KCND3: variants seen among roughly 807,000 people sequenced by gnomAD.
The protein encoded by KCND3 is A-type voltage-gated potassium channel KCND3.
KCND3 carries 9 observed loss-of-function variants against 51.1 expected under a neutral mutation model. The observed-to-expected ratio is 0.18, with a 90% CI of 0.11 to 0.31. The LOEUF (loss-of-function observed/expected upper bound fraction) is 0.31, where lower values mean the gene tolerates loss of function less well. Ranked by LOEUF, KCND3 falls within the 10% of genes least tolerant of loss-of-function variation. The pLI, the probability that KCND3 is intolerant of heterozygous loss-of-function variation, is 1.00. For synonymous variants in KCND3, 349 were observed against 368.0 expected, an observed-to-expected ratio of 0.95 and a Z score of 0.59; for missense variants, 526 against 903.8, an observed-to-expected ratio of 0.58 and a Z score of 5.36.
At chr1:111,943,224 G>A (rs1672612841) in intron 2 of KCND3, among the ~76,000 whole-genome samples, 1 of 152,164 alleles carries the variant, frequency 6.6e-6, no homozygotes, top group African/African-American at 2.4e-5. Context: ...TGCAGCCAGA[G>A]GACCCTGGCT....
chr1:111,902,582 C>T (rs1289825008), intron 2 of KCND3, among the ~76,000 whole-genome samples: 1 of 152,114 alleles, frequency 6.6e-6, no homozygotes, highest in Non-Finnish European at 1.5e-5. Flanking sequence ...TCTCATGTGC[C>T]CACTGCTCGT....
intron 2 of KCND3, among the ~76,000 whole-genome samples, chr1:111,804,135 C>T (rs1411473463): frequency 2.6e-5 from 4 of 152,338 alleles, no homozygotes; most frequent in South Asian, 2.1e-4. Flanking sequence ...ACTCCTTTTC[C>T]GTCCCCCAAC....
intron 2 of KCND3, among the ~76,000 whole-genome samples, chr1:111,841,436 C>CG (rs5777085): frequency 0.33 from 50,731 of 151,970 alleles, 8,676 homozygotes; most frequent in East Asian, 0.52. Flanking sequence ...TATCAGAAAA[C>CG]GAATTGTTCC....
At chr1:111,812,609 T>C (rs1235167553) in intron 2 of KCND3, among the ~76,000 whole-genome samples, 1 of 152,192 alleles carries the variant, frequency 6.6e-6, no homozygotes, top group Non-Finnish European at 1.5e-5. Flanking sequence ...GAGGGCCCAA[T>C]GTAGTAGGTT....
intron 2 of KCND3, among the ~76,000 whole-genome samples, chr1:111,922,396 C>T (rs181194253): frequency 1.1e-3 from 173 of 152,342 alleles, no homozygotes; most frequent in Admixed American, 2.0e-3. Context: ...GTGCTAAGAG[C>T]ACTGTGGAAG....
chr1:111,847,197 C>G (rs1427190011), intron 2 of KCND3, among the ~76,000 whole-genome samples: 1 of 152,214 alleles, frequency 6.6e-6, no homozygotes, highest in South Asian at 2.1e-4. Flanking sequence ...GAAGGAGGGG[C>G]AGCAGGGCCA....
chr1:111,899,263 C>T (rs1318435168), intron 2 of KCND3, among the ~76,000 whole-genome samples: 1 of 152,224 alleles, frequency 6.6e-6, no homozygotes, highest in Non-Finnish European at 1.5e-5. Flanking sequence ...CCCCCAGGGG[C>T]TTCTCATGAG....
chr1:111,977,440 TA>T (rs1160185472), intron 2 of KCND3, among the ~76,000 whole-genome samples: 2 of 152,192 alleles, frequency 1.3e-5, no homozygotes, highest in East Asian at 3.9e-4. Context: ...TTGGAAGAAG[TA>T]AAAATCAATT....
intron 2 of KCND3, among the ~76,000 whole-genome samples, chr1:111,844,240 C>T (rs1667453433): frequency 6.6e-6 from 1 of 152,222 alleles, no homozygotes; most frequent in South Asian, 2.1e-4. Flanking sequence ...TCAAGTTCAT[C>T]ATGTCCCTGC....
In KCND3 at chr1:111,985,226, C is replaced by T. The variant is rs185567608; in HGVS notation, c.-72-2428G>A. Among the ~76,000 whole-genome samples the T allele has an allele frequency of 2.2e-4, 33 of 152,306 alleles. No homozygotes were observed. In the East Asian group the frequency reaches 5.6e-3, roughly 26 times the overall value. On this transcript the variant is annotated intron_variant, in intron 1 of 7. Transcript: ENST00000302127. The stretch of plus-strand genomic sequence containing the variant: ...CTGAGGGCTGATGGTGTGCCAGGCA[C>T]AGTACCACACACTTACATGGAGCGT...
chr1:111,964,852 C>A (rs77200687), intron 2 of KCND3, among the ~76,000 whole-genome samples: 5,767 of 152,162 alleles, frequency 0.038, 333 homozygotes, highest in African/African-American at 0.13. Flanking sequence ...CCCCATTTCC[C>A]GATGTGTGCA....
intron 2 of KCND3, among the ~76,000 whole-genome samples, chr1:111,818,472 G>A (rs895489764): frequency 3.3e-5 from 5 of 152,212 alleles, no homozygotes; most frequent in African/African-American, 7.2e-5. Flanking sequence ...ACAACCTCAC[G>A]TTGTGCCAGC....
At chr1:111,888,473 G>A (rs1470398843) in intron 2 of KCND3, among the ~76,000 whole-genome samples, 1 of 152,124 alleles carries the variant, frequency 6.6e-6, no homozygotes, top group Non-Finnish European at 1.5e-5. Flanking sequence ...ATCACCTGAG[G>A]TCAGGCGTTC....
chr1:111,844,287 G>C (rs1042409556), intron 2 of KCND3, among the ~76,000 whole-genome samples: 1 of 152,176 alleles, frequency 6.6e-6, no homozygotes, highest in Non-Finnish European at 1.5e-5. Flanking sequence ...TTTCCAGGAG[G>C]TGGGGAGGCC....
At chr1:111,843,167 T>C (rs1040318951) in intron 2 of KCND3, among the ~76,000 whole-genome samples, 8 of 151,602 alleles carry the variant, frequency 5.3e-5, no homozygotes, top group Non-Finnish European at 1.0e-4. Flanking sequence ...TTCTGTGGAG[T>C]GGATGAGAGA....
chr1:111,899,855 T>A (rs1670298599), intron 2 of KCND3, among the ~76,000 whole-genome samples: 1 of 152,068 alleles, frequency 6.6e-6, no homozygotes, highest in Non-Finnish European at 1.5e-5. Flanking sequence ...AGGAGTGTGA[T>A]ACTCACAAGC....
At chr1:111,844,595 C>T (rs983409015) in intron 2 of KCND3, among the ~76,000 whole-genome samples, 2 of 152,202 alleles carry the variant, frequency 1.3e-5, no homozygotes, top group African/African-American at 4.8e-5. Context: ...ATTCTCCACA[C>T]AGCTTTTACA....
At chr1:111,902,733 T>C (rs761964629) in intron 2 of KCND3, among the ~76,000 whole-genome samples, 5 of 152,208 alleles carry the variant, frequency 3.3e-5, no homozygotes, top group African/African-American at 4.8e-5. Flanking sequence ...ATCTGCAAAA[T>C]AGGGATAGCA....
At chr1:111,835,625 A>T (rs2101629239) in intron 2 of KCND3, among the ~76,000 whole-genome samples, 1 of 152,066 alleles carries the variant, frequency 6.6e-6, no homozygotes, top group South Asian at 2.1e-4. Context: ...ACTAAAAGAC[A>T]CTCCCACCAA....
Sources: allele counts gnomAD v4.1 joint callset (sites outside exome capture counted in the v4.1 genomes callset), GRCh38; gene constraint gnomAD v4.1.1; transcripts MANE v1.5; gene names NCBI Gene and HGNC (gene_info 2026-07-23, HGNC 2026-07-21).